Variants in CDH23 observed in about 807,000 individuals in gnomAD.
The protein encoded by CDH23 is cadherin-23.
Under a neutral mutation model 317.1 loss-of-function variants are expected in CDH23, and 189 were observed. The observed-to-expected ratio is 0.60, with a 90% CI of 0.53 to 0.67. The LOEUF is 0.67. Among genes scored for constraint, CDH23 ranks in the 30% least tolerant of loss-of-function variants. The probability of loss-of-function intolerance (pLI) is 0.00; values close to 1 mark genes in which losing one functional copy is unlikely to be tolerated. For synonymous variants in CDH23, 1,839 were observed against 1,876.8 expected (o/e 0.98, Z 0.52); for missense variants, 4,401 against 4,592.4 (o/e 0.96, Z 1.20).
chr10:71,477,294 G>A (rs556087737), intron 3 of CDH23, among the ~76,000 whole-genome samples: 10 of 152,216 alleles, frequency 6.6e-5, no homozygotes, highest in Admixed American at 3.9e-4. Flanking sequence ...TCAGCTTCCC[G>A]AGCAGATGGG....
chr10:71,809,084 G>A (rs184467337), intron 60 of CDH23, among the ~76,000 whole-genome samples: 17 of 151,170 alleles, frequency 1.1e-4, no homozygotes, highest in Admixed American at 9.9e-4. Context: ...CAAATTTTGA[G>A]CCCAATCTAT....
At chr10:71,755,300 G>A (rs1238513664) in intron 38 of CDH23, 1 of 1,455,668 alleles carries the variant, frequency 6.9e-7, no homozygotes, top group East Asian at 2.4e-5. Flanking sequence ...GGGCTGAACT[G>A]GGGGCTGGAG....
intron 6 of CDH23, among the ~76,000 whole-genome samples, chr10:71,522,887 T>A (rs1396491991): frequency 6.6e-6 from 1 of 152,120 alleles, no homozygotes; most frequent in East Asian, 1.9e-4. Flanking sequence ...GTCCTTCCAG[T>A]TGGTAAGAAA....
At position 71,620,849 on chromosome 10, in the gene CDH23, G is replaced by A. The variant is rs551507215; in HGVS notation, c.1134+3456G>A. On this transcript the variant is annotated intron_variant, in intron 11 of 69. Coordinates refer to ENST00000224721, the MANE Select transcript of CDH23 (RefSeq NM_022124.6). ...CCCAAACCATCCCTCATGTGGCACC[G>A]GGCTCATTCCTCAATAAGAGGGAGG... Among the ~76,000 whole-genome samples the A allele has an allele frequency of 2.6e-5, 4 of 152,272 alleles. No individual in the cohort carries two copies. In the South Asian group the frequency reaches 6.2e-4, roughly 24 times the overall value.
intron 6 of CDH23, among the ~76,000 whole-genome samples, chr10:71,560,759 G>C (rs1355607275): frequency 6.6e-6 from 1 of 151,192 alleles, no homozygotes; most frequent in African/African-American, 2.4e-5. Context: ...AGCACAGGAG[G>C]CTGTTACCAG....
chr10:71,739,971 A>G (rs1442207754), intron 36 of CDH23, among the ~76,000 whole-genome samples, 199 bp downstream of exon 36: 2 of 152,166 alleles, frequency 1.3e-5, no homozygotes, highest in Admixed American at 1.3e-4. Context: ...GAAACCTGGG[A>G]GGGACCTTAG....
intron 38 of CDH23, among the ~76,000 whole-genome samples, chr10:71,764,039 G>A (rs566421899): frequency 1.3e-5 from 2 of 152,336 alleles, no homozygotes; most frequent in African/African-American, 2.4e-5. Flanking sequence ...GGTGAGCAGA[G>A]ATTTCAGAAC....
chr10:71,763,197 G>A (rs1053849945), intron 38 of CDH23, among the ~76,000 whole-genome samples: 4 of 152,132 alleles, frequency 2.6e-5, no homozygotes, highest in Admixed American at 6.5e-5. Context: ...TTTTTGAGAC[G>A]GAGTCTCCCT....
chr10:71,712,740 G>A lies in CDH23; in HGVS notation c.3296G>A (p.Arg1099Gln), dbSNP rs1295355040. Residue 1099 changes from arginine to glutamine, a missense_variant, in exon 28 of 70, where the codon CGG (arginine) becomes CAG (glutamine). By Grantham distance (43) the Arg-to-Gln change is conservative. This residue lies in a region of CDH23 where 3,068 missense variants were observed against 3,203.3 expected (regional missense o/e 0.96). Transcript: ENST00000224721. ...ACTGTCCTGGATGTGAATGACAACC[G>A]GCCCATCTTTCTGCAGAGCAGCTAT... ...FVTVLDVNDN[R>Q]PIFLQSSYEA... 11 of 1,613,514 alleles carry A rather than the reference G, an allele frequency of 6.8e-6. No individual in the cohort carries two copies. Among genetic ancestry groups the A allele is most frequent in the African/African-American group, 2.7e-5 (2 of 74,948 alleles).
chr10:71,521,615 C>T (rs1014590074), intron 6 of CDH23, among the ~76,000 whole-genome samples: 1 of 152,240 alleles, frequency 6.6e-6, no homozygotes, highest in Non-Finnish European at 1.5e-5. Context: ...CCTGACACTT[C>T]CTTCCTCAGA....
Position 71,677,692 on chromosome 10 carries a change from G to T in CDH23, c.1751G>T (p.Arg584Leu). ...TCTGTCACACAGCTGGTGCGGCTCCGGGTAAGGTGCCAGGGAGCCCTGCAC... is the reference window on the plus strand; with the variant it reads ...TCTGTCACACAGCTGGTGCGGCTCCTGGTAAGGTGCCAGGGAGCCCTGCAC... Reference protein sequence around the residue: ...EPSVTQLVRLRATDEDSPPNN... With the variant: ...EPSVTQLVRLLATDEDSPPNN... Residue 584 changes from arginine (R) to leucine (L), a missense_variant and splice_region_variant, in exon 16 of 70, where the codon CGG (arginine) becomes CTG (leucine). Coordinates refer to ENST00000224721, the MANE Select transcript of CDH23 (RefSeq NM_022124.6). 6.4e-7 allele frequency: 1 copy of T among 1,555,264 alleles called. No individual in the cohort carries two copies. Among genetic ancestry groups the T allele is most frequent in the East Asian group, 2.4e-5 (1 of 41,258 alleles).
intron 14 of CDH23, among the ~76,000 whole-genome samples, chr10:71,667,393 T>TGC (rs1564720358): frequency 1.9e-5 from 2 of 103,500 alleles, no homozygotes; most frequent in African/African-American, 6.8e-5. Flanking sequence ...TGTGTGTGTG[T>TGC]GTGCGCGTGT....
At chr10:71,755,662 C>T (rs779502953) in intron 38 of CDH23, among the ~76,000 whole-genome samples, 7 of 152,210 alleles carry the variant, frequency 4.6e-5, no homozygotes, top group South Asian at 2.1e-4. Context: ...CTGTGCCTGC[C>T]GCCCTATGCC....
At chr10:71,689,794 A>C (rs989621514) in intron 19 of CDH23, among the ~76,000 whole-genome samples, 1 of 152,166 alleles carries the variant, frequency 6.6e-6, no homozygotes, top group Admixed American at 6.5e-5. Flanking sequence ...TGAGGGGTCC[A>C]GTCTGGGTGT....
intron 6 of CDH23, among the ~76,000 whole-genome samples, chr10:71,512,689 G>A (rs1433894829): frequency 6.6e-6 from 1 of 152,186 alleles, no homozygotes; most frequent in Non-Finnish European, 1.5e-5. Flanking sequence ...CCCTTGGGCT[G>A]GGGGCCAGCC....
chr10:71,806,384 T>C (rs1001185457), intron 57 of CDH23, 103 bp downstream of exon 57: 2 of 805,068 alleles, frequency 2.5e-6, no homozygotes, highest in Non-Finnish European at 4.1e-6. Flanking sequence ...CACATTTGGC[T>C]AGACACGGAA....
In CDH23 at chr10:71,511,197, C is replaced by T. The variant is rs745908110; in HGVS notation, c.414C>T (p.Ser138=). 6 of 1,613,466 alleles carry T rather than the reference C, an allele frequency of 3.7e-6. 1 individual carries two copies. The highest frequency in any genetic ancestry group is 2.2e-5 in the East Asian group (1 of 44,866). The change falls in exon 6 of 70, where the codon AGC becomes AGT. Residue 138 remains serine (S), a synonymous_variant. Coordinates refer to ENST00000224721, the MANE Select transcript of CDH23 (RefSeq NM_022124.6). ...CCACATTTCACAATCAGCCCTACAG[C>T]GTCCGCATCCCTGAGGTAGGAGCCA... is the stretch of plus-strand genomic sequence containing the variant. ...NAPTFHNQPY[S]VRIPENTPVG...
intron 3 of CDH23, among the ~76,000 whole-genome samples, chr10:71,455,354 G>A (rs1366906460): frequency 6.7e-6 from 1 of 148,224 alleles, no homozygotes; most frequent in East Asian, 2.0e-4. Context: ...TCCCACTAAT[G>A]TTTTTTTTTT....
intron 9 of CDH23, among the ~76,000 whole-genome samples, chr10:71,604,347 G>C (rs1052122843): frequency 6.6e-6 from 1 of 152,178 alleles, no homozygotes; most frequent in African/African-American, 2.4e-5. Context: ...GCCCTCACAG[G>C]AGGAGGCCTT....
Sources: gnomAD v4.1 joint callset for allele counts (sites outside exome capture counted in the v4.1 genomes callset) on GRCh38, gnomAD v4.1.1 for gene constraint, gnomAD v4.1.1 regional missense constraint, MANE v1.5 for transcripts, NCBI Gene and HGNC (gene_info 2026-07-23, HGNC 2026-07-21) for gene names.